NKAIN2: variants seen among roughly 807,000 people sequenced by gnomAD.
NKAIN2 encodes sodium/potassium-transporting ATPase subunit beta-1-interacting protein 2.
A neutral mutation model predicts 32.6 loss-of-function variants in NKAIN2; 14 were observed. The ratio of observed to expected loss-of-function variants is 0.43; its 90% confidence interval spans 0.28 to 0.67. The LOEUF (loss-of-function observed/expected upper bound fraction) is 0.67, where lower values mean the gene tolerates loss of function less well. NKAIN2 is among the 30% of genes least tolerant of loss of function. The pLI, the probability that NKAIN2 is intolerant of heterozygous loss-of-function variation, is 0.17. For synonymous variants in NKAIN2, 80 were observed against 87.2 expected, an observed-to-expected ratio of 0.92 and a Z score of 0.46; for missense variants, 198 against 258.3, an observed-to-expected ratio of 0.77 and a Z score of 1.60.
chr6:123,910,173 G>A (rs1775100220), intron 1 of NKAIN2, among the ~76,000 whole-genome samples: 1 of 152,216 alleles, frequency 6.6e-6, no homozygotes, highest in East Asian at 1.9e-4. Context: ...TTCTGCATCT[G>A]CTTCCTGCTC....
At chr6:124,267,756 A>G (rs867209952) in intron 1 of NKAIN2, among the ~76,000 whole-genome samples, 16 of 152,188 alleles carry the variant, frequency 1.1e-4, no homozygotes, top group African/African-American at 3.1e-4. Flanking sequence ...TTCAAATTAT[A>G]AAATACTCTT....
At chr6:123,878,495 C>A (rs1289410312) in intron 1 of NKAIN2, among the ~76,000 whole-genome samples, 1 of 151,970 alleles carries the variant, frequency 6.6e-6, no homozygotes, top group Non-Finnish European at 1.5e-5. Flanking sequence ...CCATTGATTT[C>A]TTCAGGCTTG....
At chr6:123,957,348 C>T (rs1002172830) in intron 1 of NKAIN2, among the ~76,000 whole-genome samples, 1 of 152,146 alleles carries the variant, frequency 6.6e-6, no homozygotes, top group East Asian at 1.9e-4. Context: ...AAAGTGACTT[C>T]CTTAGCAGAT....
intron 1 of NKAIN2, among the ~76,000 whole-genome samples, chr6:123,914,361 C>T (rs1198628278): frequency 6.6e-6 from 1 of 151,600 alleles, no homozygotes; most frequent in African/African-American, 2.4e-5. Context: ...GGGAGGAAGC[C>T]AGGGAGGGAG....
intron 1 of NKAIN2, among the ~76,000 whole-genome samples, chr6:124,238,176 A>C (rs1009366499): frequency 6.6e-6 from 1 of 152,022 alleles, no homozygotes; most frequent in Non-Finnish European, 1.5e-5. Flanking sequence ...GCCAGGGGGG[A>C]AGAAAAACAG....
At chr6:124,020,635 C>A (rs1364984485) in intron 1 of NKAIN2, among the ~76,000 whole-genome samples, 2 of 151,856 alleles carry the variant, frequency 1.3e-5, no homozygotes, top group African/African-American at 4.8e-5. Context: ...ATTTTAAAAA[C>A]ATATAAAATT....
chr6:124,510,103 A>T (rs139824983), intron 3 of NKAIN2, among the ~76,000 whole-genome samples: 2,858 of 152,130 alleles, frequency 0.019, 29 homozygotes, highest in Non-Finnish European at 0.03. Context: ...TCCTCACAGG[A>T]ATAATTACCA....
At chr6:124,139,079 A>AATTTTTTTT (rs1457805240) in intron 1 of NKAIN2, among the ~76,000 whole-genome samples, 5 of 99,470 alleles carry the variant, frequency 5.0e-5, no homozygotes, top group Non-Finnish European at 9.1e-5. Flanking sequence ...TTAAATAAAA[A>AATTTTTTTT]TTTTTTTTTT....
At chr6:124,676,214 A>T (rs1354251494) in intron 4 of NKAIN2, among the ~76,000 whole-genome samples, 1 of 152,004 alleles carries the variant, frequency 6.6e-6, no homozygotes, top group East Asian at 1.9e-4. Context: ...AATCTTCTTA[A>T]ATCTGTCATG....
intron 1 of NKAIN2, among the ~76,000 whole-genome samples, chr6:123,878,667 G>A (rs764901946): frequency 2.6e-5 from 4 of 151,754 alleles, no homozygotes; most frequent in Non-Finnish European, 5.9e-5. Context: ...GTTTATCTTC[G>A]GGGTAAACTT....
At chr6:124,820,462 T>C (rs1781348489) in intron 6 of NKAIN2, among the ~76,000 whole-genome samples, 1 of 152,216 alleles carries the variant, frequency 6.6e-6, no homozygotes, top group Non-Finnish European at 1.5e-5. Flanking sequence ...AAACGTAGGA[T>C]ATGTCACATA....
Position 124,009,825 on chromosome 6 carries a change from C to A in NKAIN2, c.54+205571C>A, listed in dbSNP as rs1257810701. ...TAGAAAGTGTCCATTTTGTCACCTG[C>A]AGTCACCCCATATACATATGAGATT... On this transcript the variant is annotated intron_variant, in intron 1 of 6. Transcript: ENST00000368417. Among the ~76,000 whole-genome samples, 3 of 152,128 alleles carry A rather than the reference C, an allele frequency of 2.0e-5. No homozygotes were observed. The East Asian group carries it at 5.8e-4, about 29-fold the overall frequency.
chr6:124,683,857 C>T (rs192728289), intron 4 of NKAIN2, among the ~76,000 whole-genome samples: 2 of 152,270 alleles, frequency 1.3e-5, no homozygotes, highest in East Asian at 3.9e-4. Context: ...ATGGTTCTGG[C>T]TAGTGTGTAT....
intron 4 of NKAIN2, among the ~76,000 whole-genome samples, chr6:124,695,905 T>G (rs1774474711): frequency 6.6e-6 from 1 of 152,210 alleles, no homozygotes; most frequent in South Asian, 2.1e-4. Context: ...CAAAATTTTA[T>G]GTAGCATGAT....
intron 2 of NKAIN2, among the ~76,000 whole-genome samples, chr6:124,349,297 C>A (rs569205599): frequency 2.6e-5 from 4 of 152,034 alleles, no homozygotes; most frequent in African/African-American, 4.8e-5. Flanking sequence ...CCTGCTCCCC[C>A]CTACAAAGGC....
intron 1 of NKAIN2, among the ~76,000 whole-genome samples, chr6:123,966,604 C>G (rs1282335227): frequency 6.6e-6 from 1 of 152,120 alleles, no homozygotes; most frequent in Non-Finnish European, 1.5e-5. Context: ...AAAGAGCTTA[C>G]AAATGGATTT....
intron 5 of NKAIN2, among the ~76,000 whole-genome samples, chr6:124,808,322 G>C (rs1208094288): frequency 6.6e-6 from 1 of 152,060 alleles, no homozygotes; most frequent in East Asian, 1.9e-4. Context: ...ATGCAAGGCT[G>C]GTTCAATATA....
intron 1 of NKAIN2, among the ~76,000 whole-genome samples, chr6:124,167,316 G>A (rs1237352929): frequency 6.6e-6 from 1 of 150,510 alleles, no homozygotes; most frequent in African/African-American, 2.4e-5. Flanking sequence ...TTGGCTCTCT[G>A]TTTGTCTGTT....
chr6:123,992,669 C>T (rs1779462371), intron 1 of NKAIN2, among the ~76,000 whole-genome samples: 1 of 152,152 alleles, frequency 6.6e-6, no homozygotes, highest in African/African-American at 2.4e-5. Context: ...ACATTAATTG[C>T]TTCTATAAAG....
Sources: gnomAD v4.1 joint callset for allele counts (sites outside exome capture counted in the v4.1 genomes callset) on GRCh38, gnomAD v4.1.1 for gene constraint, MANE v1.5 for transcripts, NCBI Gene and HGNC (gene_info 2026-07-23, HGNC 2026-07-21) for gene names.